Variants in FGFR2 observed in about 807,000 individuals in gnomAD.
FGFR2 encodes the protein fibroblast growth factor receptor 2, also known as BEK fibroblast growth factor receptor.
FGFR2 carries 19 observed loss-of-function variants against 95.9 expected under a neutral mutation model. That is an observed-to-expected ratio of 0.20 (90% CI 0.14 to 0.29). FGFR2 has a LOEUF of 0.29. FGFR2 is among the 10% of genes least tolerant of loss of function. The probability of loss-of-function intolerance (pLI) is 1.00; values close to 1 mark genes in which losing one functional copy is unlikely to be tolerated. For synonymous variants in FGFR2, 392 were observed against 393.3 expected, an observed-to-expected ratio of 1.00 and a Z score of 0.04; for missense variants, 707 against 1,056.9, an observed-to-expected ratio of 0.67 and a Z score of 4.59.
Position 121,479,930 on chromosome 10 carries a change from A to G in FGFR2, c.2393T>C (p.Phe798Ser). The G allele has an allele frequency of 6.2e-7, 1 of 1,614,208 alleles. No homozygotes were observed. The highest frequency in any genetic ancestry group is 8.5e-7 in the Non-Finnish European group (1 of 1,180,030). Reference protein sequence around the residue: ...SSCSSGDDSVFSPDPMPYEPC... With the variant: ...SSCSSGDDSVSSPDPMPYEPC... ...TTCGTAAGGCATGGGGTCTGGAGAA[A>G]AAACAGAATCATCTCCTGAAGAACA... The change falls in exon 18 of 18, where the codon TTT (phenylalanine) becomes TCT (serine). Residue 798 changes from phenylalanine (F) to serine (S), a missense_variant. This residue lies in a region of FGFR2 where 51 missense variants were observed against 50.2 expected (regional missense o/e 1.01). Transcript: ENST00000358487.
chr10:121,577,185 A>AGAGAGAGAGAGAGAGAGAGAGAGG (rs1554859068), intron 2 of FGFR2, among the ~76,000 whole-genome samples: 24 of 114,826 alleles, frequency 2.1e-4, no homozygotes, highest in African/African-American at 8.4e-4. Flanking sequence ...ATATAGAGAG[A>AGAGAGAGAGAGAGAGAGAGAGAGG]GAGAGAGAGA....
At chr10:121,573,594 G>A (rs1474796781) in intron 2 of FGFR2, among the ~76,000 whole-genome samples, 1 of 152,082 alleles carries the variant, frequency 6.6e-6, no homozygotes, top group Non-Finnish European at 1.5e-5. Flanking sequence ...CAAGGAAAAG[G>A]AAGGGAGAGA....
intron 2 of FGFR2, among the ~76,000 whole-genome samples, chr10:121,580,269 C>T (rs770810835): frequency 6.6e-6 from 1 of 152,158 alleles, no homozygotes; most frequent in African/African-American, 2.4e-5. Flanking sequence ...TTAAAGGGCT[C>T]GGCCTTTCTT....
chr10:121,569,214 C>A (rs1479164242), intron 2 of FGFR2, among the ~76,000 whole-genome samples: 1 of 147,272 alleles, frequency 6.8e-6, no homozygotes, highest in Non-Finnish European at 1.5e-5. Flanking sequence ...CTTTTCTTTT[C>A]TTTTCTTTTC....
At chr10:121,491,057 C>G (rs1846066002) in intron 13 of FGFR2, among the ~76,000 whole-genome samples, 1 of 152,204 alleles carries the variant, frequency 6.6e-6, no homozygotes, top group South Asian at 2.1e-4. Context: ...CTCCTGCCGA[C>G]ACGCGCTCTG....
rs41294347 is a variant in FGFR2, at chr10:121,480,554, G to A, written c.2302-533C>T. On this transcript the variant is annotated intron_variant, in intron 17 of 17. Transcript: ENST00000358487. ...AATTACATTTTACTATTGTAGTTTC[G>A]GGGATAATTGAAGGGGAATACTTCT... 8.5e-3 allele frequency: 1,903 copies of A among 223,420 alleles called. 42 individuals are homozygous for A. The highest frequency in any genetic ancestry group is 0.041 in the African/African-American group (1,800 of 44,092). 13.8% of individuals were successfully genotyped at this position (223,420 alleles called of 1,614,324 possible). A position where few individuals can be genotyped will look rare whatever the true frequency, so the allele number is the denominator to read the frequency against.
chr10:121,489,849 T>G (rs1261482793), intron 13 of FGFR2, among the ~76,000 whole-genome samples: 1 of 152,230 alleles, frequency 6.6e-6, no homozygotes, highest in Admixed American at 6.5e-5. Context: ...CCCCTGAGAC[T>G]TCCACACTGC....
At chr10:121,564,371 G>A in intron 4 of FGFR2, 131 bp downstream of exon 4, 2 of 809,764 alleles carry the variant, frequency 2.5e-6, no homozygotes, top group Admixed American at 3.7e-5. Flanking sequence ...CAGGAAAGTA[G>A]ACACAGCGGG....
intron 5 of FGFR2, among the ~76,000 whole-genome samples, chr10:121,539,935 C>T (rs1385053545): frequency 6.6e-5 from 10 of 152,192 alleles, no homozygotes; most frequent in Admixed American, 5.2e-4. Context: ...ATTAGCCTGC[C>T]AACAGAGTTA....
intron 2 of FGFR2, among the ~76,000 whole-genome samples, chr10:121,571,293 C>CTT (rs1564712761): frequency 0.06 from 5,142 of 86,168 alleles, 305 homozygotes; most frequent in Non-Finnish European, 0.067. Context: ...CCGTGCCTGG[C>CTT]CTTTTTTTTT....
intron 11 of FGFR2, among the ~76,000 whole-genome samples, chr10:121,500,210 GGTTAACGTAGAAGT>G (rs1847418524): frequency 6.6e-6 from 1 of 152,206 alleles, no homozygotes; most frequent in Admixed American, 6.5e-5. Flanking sequence ...AGGGTTGGAA[GGTTAACGTAGAAGT>G]GTTCACAGTC....
intron 2 of FGFR2, among the ~76,000 whole-genome samples, chr10:121,582,058 A>G (rs1338869903): frequency 6.6e-6 from 1 of 151,938 alleles, no homozygotes; most frequent in Non-Finnish European, 1.5e-5. Context: ...CCGCCCCCCA[A>G]GTACCTGGGA....
chr10:121,492,476 A>T (rs1589740150), intron 13 of FGFR2, among the ~76,000 whole-genome samples: 1 of 152,106 alleles, frequency 6.6e-6, no homozygotes, highest in South Asian at 2.1e-4. Flanking sequence ...GTTCATCTCA[A>T]TCGGCCCAGC....
intron 2 of FGFR2, among the ~76,000 whole-genome samples, chr10:121,570,215 T>A (rs926922185): frequency 3.3e-5 from 5 of 152,210 alleles, no homozygotes; most frequent in Admixed American, 3.3e-4. Flanking sequence ...CCATTTGCCG[T>A]CCACAGGGCT....
At chr10:121,550,142 T>C (rs1327543708) in intron 5 of FGFR2, among the ~76,000 whole-genome samples, 1 of 152,228 alleles carries the variant, frequency 6.6e-6, no homozygotes, top group Non-Finnish European at 1.5e-5. Context: ...AACTCAGACC[T>C]GAATCCTTTC....
chr10:121,524,591 C>T (rs1405449376), intron 6 of FGFR2, among the ~76,000 whole-genome samples: 1 of 152,208 alleles, frequency 6.6e-6, no homozygotes, highest in African/African-American at 2.4e-5. Flanking sequence ...TCGAACCCTT[C>T]AGCGATCCAC....
At chr10:121,560,756 C>T (rs771444210) in intron 4 of FGFR2, among the ~76,000 whole-genome samples, 6 of 151,960 alleles carry the variant, frequency 3.9e-5, no homozygotes, top group Non-Finnish European at 8.8e-5. Context: ...TTATTATCCA[C>T]TGTTTTACGA....
chr10:121,515,613 G>A (rs1288186298), intron 8 of FGFR2, among the ~76,000 whole-genome samples: 1 of 151,976 alleles, frequency 6.6e-6, no homozygotes, highest in Admixed American at 6.6e-5. Context: ...ACATTTCAGT[G>A]GAGGACGACC....
chr10:121,562,845 G>T (rs1222645960), intron 4 of FGFR2, among the ~76,000 whole-genome samples: 1 of 152,226 alleles, frequency 6.6e-6, no homozygotes, highest in Non-Finnish European at 1.5e-5. Context: ...TTCTGGTGGG[G>T]ATGTTGATAA....
Sources: allele counts gnomAD v4.1 joint callset (sites outside exome capture counted in the v4.1 genomes callset), GRCh38; gene constraint gnomAD v4.1.1; regional missense constraint gnomAD v4.1.1; transcripts MANE v1.5; gene names NCBI Gene and HGNC (gene_info 2026-07-23, HGNC 2026-07-21).